The following CYP19A1 variants were observed in gnomAD, a reference collection of about 807,000 sequenced individuals.
The protein encoded by CYP19A1 is cytochrome P450 family 19 subfamily A member 1.
A neutral mutation model predicts 44.4 loss-of-function variants in CYP19A1; 32 were observed. The observed-to-expected ratio is 0.72, with a 90% CI of 0.54 to 0.97. CYP19A1 has a LOEUF of 0.97. Among genes scored for constraint, CYP19A1 ranks in the 50% least tolerant of loss-of-function variants. CYP19A1 has a pLI of 0.00. For missense variants in CYP19A1, 598 were observed against 637.8 expected (o/e 0.94, Z 0.67); for synonymous variants, 212 against 215.6 (o/e 0.98, Z 0.14).
chr15:51,242,938 G>A lies in CYP19A1; in HGVS notation c.-26C>T, dbSNP rs2033864381. 2 of 1,557,578 alleles carry A rather than the reference G, an allele frequency of 1.3e-6. No homozygotes were observed. The highest frequency in any genetic ancestry group is 1.8e-6 in the Non-Finnish European group (2 of 1,128,430). ...CTTGTGTTCCTTGACCTCAGAGGGG[G>A]CAATTTAGAGTCCTGTGGAAATCAA... is the stretch of plus-strand genomic sequence containing the variant. On this transcript the variant is annotated 5_prime_UTR_variant, in exon 2 of 10. Transcript: ENST00000396402.
intron 9 of CYP19A1, 98 bp downstream of exon 9, chr15:51,212,222 A>T: frequency 1.1e-6 from 1 of 904,674 alleles, no homozygotes; most frequent in Non-Finnish European, 1.9e-6. Flanking sequence ...TGAGTAAGAA[A>T]AATGAAGTAT....
At position 51,236,850 on chromosome 15, in the gene CYP19A1, C is replaced by G. The variant is rs767924652; in HGVS notation, c.296+9G>C. 8 of 1,613,798 alleles carry G rather than the reference C, an allele frequency of 5.0e-6. No homozygotes were observed. The highest frequency in any genetic ancestry group is 1.6e-4 in the Middle Eastern group (1 of 6,084). ...TAAAAAGTATGTCTTCGATTATGAACAGACTCACTTGCTGATAATGAGTGT... is the reference window on the plus strand; with the variant it reads ...TAAAAAGTATGTCTTCGATTATGAAGAGACTCACTTGCTGATAATGAGTGT... On this transcript the variant is annotated intron_variant, in intron 3 of 9. Coordinates refer to ENST00000396402, the MANE Select transcript of CYP19A1 (RefSeq NM_000103.4).
chr15:51,210,806 C>A lies in CYP19A1; in HGVS notation c.*2G>T. 6.4e-7 allele frequency: 1 copy of A among 1,573,548 alleles called. No homozygotes were observed. Among genetic ancestry groups the A allele is most frequent in the Middle Eastern group, 1.7e-4 (1 of 5,994 alleles). ...TCCAGAGTGGGTACTGACCAGCCTT[C>A]TCTAGTGTTCCAGACACCTGTCTGA... is the stretch of plus-strand genomic sequence containing the variant. On this transcript the variant is annotated 3_prime_UTR_variant, in exon 10 of 10. Transcript: ENST00000396402.
intron 1 of CYP19A1, among the ~76,000 whole-genome samples, chr15:51,271,802 C>G (rs1437165551): frequency 6.6e-6 from 1 of 152,184 alleles, no homozygotes; most frequent in African/African-American, 2.4e-5. Flanking sequence ...TCATATTATC[C>G]CCCCATCAGG....
At chr15:51,228,267 G>A (rs1471747572) in intron 3 of CYP19A1, among the ~76,000 whole-genome samples, 2 of 152,160 alleles carry the variant, frequency 1.3e-5, no homozygotes, top group African/African-American at 4.8e-5. Flanking sequence ...CTGCTAAGAA[G>A]CTGAACCCTC....
chr15:51,222,427 A>G lies in CYP19A1; in HGVS notation c.550T>C (p.Tyr184His), dbSNP rs1306086089. Residue 184 changes from tyrosine to histidine, a missense_variant, in exon 5 of 10, where the codon TAT becomes CAT. Tyr to His is a moderately conservative substitution (Grantham distance 83, BLOSUM62 2). Coordinates refer to ENST00000396402, the MANE Select transcript of CYP19A1 (RefSeq NM_000103.4). ...RLEEVTNESG[Y>H]VDVLTLLRRV... Reference sequence around the variant, plus strand: ...CGCAGAAGGGTCAACACGTCCACATAGCCCGATTCATTGGTCACCTCCTCC... The same window carrying G: ...CGCAGAAGGGTCAACACGTCCACATGGCCCGATTCATTGGTCACCTCCTCC... 3.1e-6 allele frequency: 5 copies of G among 1,614,156 alleles called. No homozygotes were observed. Among genetic ancestry groups the G allele is most frequent in the South Asian group, 1.1e-5 (1 of 91,082 alleles).
At chr15:51,239,404 A>G (rs550928628) in intron 2 of CYP19A1, among the ~76,000 whole-genome samples, 1 of 152,256 alleles carries the variant, frequency 6.6e-6, no homozygotes, top group African/African-American at 2.4e-5. Context: ...GTGTCCCTCA[A>G]CAGTGGAACT....
chr15:51,290,204 T>C (rs1391364337), intron 1 of CYP19A1, among the ~76,000 whole-genome samples: 3 of 152,164 alleles, frequency 2.0e-5, no homozygotes, highest in African/African-American at 7.2e-5. Flanking sequence ...ACTCAGTAAA[T>C]GTTAGCTATT....
chr15:51,316,201 A>T (rs964983265), intron 1 of CYP19A1: 4 of 152,216 alleles, frequency 2.6e-5, no homozygotes, highest in African/African-American at 9.6e-5. Flanking sequence ...TATGAAAAAA[A>T]TATGTTGGCT....
chr15:51,302,159 A>ATAC (rs558790401), intron 1 of CYP19A1, among the ~76,000 whole-genome samples: 7 of 152,156 alleles, frequency 4.6e-5, no homozygotes, highest in Admixed American at 1.3e-4. Flanking sequence ...ACCTGCCATC[A>ATAC]TACTCTTCAA....
In CYP19A1 at chr15:51,227,825, G is replaced by T; in HGVS notation, c.405C>A (p.Asn135Lys). The change falls in exon 4 of 10, where the codon AAC becomes AAA. Residue 135 changes from asparagine (N) to lysine (K), a missense_variant. Asn to Lys is a moderately conservative substitution (Grantham distance 94). Transcript: ENST00000396402. ...IGMHEKGIIF[N>K]NNPELWKTTR... is the part of the protein sequence containing the mutation. The stretch of plus-strand genomic sequence containing the variant: ...TTGTTTTCCAGAGCTCTGGATTGTT[G>T]TTAAATATGATGCCTTTCTCATGCA... 6.5e-7 allele frequency: 1 copy of T among 1,546,604 alleles called. No homozygotes were observed. Among genetic ancestry groups the T allele is most frequent in the Non-Finnish European group, 8.9e-7 (1 of 1,118,528 alleles).
At chr15:51,290,140 C>A (rs2140986415) in intron 1 of CYP19A1, among the ~76,000 whole-genome samples, 1 of 152,258 alleles carries the variant, frequency 6.6e-6, no homozygotes, top group East Asian at 1.9e-4. Context: ...CCAGGAACTA[C>A]CTGGGACTGA....
At chr15:51,336,443 T>C (rs2036776274) in intron 1 of CYP19A1, among the ~76,000 whole-genome samples, 2 of 152,166 alleles carry the variant, frequency 1.3e-5, no homozygotes, top group South Asian at 4.1e-4. Context: ...GTTAAAACCA[T>C]AAGAGGCTGA....
chr15:51,319,167 T>C (rs1447211211), intron 1 of CYP19A1, among the ~76,000 whole-genome samples: 1 of 152,186 alleles, frequency 6.6e-6, no homozygotes, highest in African/African-American at 2.4e-5. Flanking sequence ...CCTAAGTGTC[T>C]CACCCCTACA....
At chr15:51,332,924 A>G (rs1303851184) in intron 1 of CYP19A1, among the ~76,000 whole-genome samples, 4 of 152,080 alleles carry the variant, frequency 2.6e-5, no homozygotes, top group Non-Finnish European at 2.9e-5. Context: ...GAATTTCTCA[A>G]CCTATGAATC....
In CYP19A1 at chr15:51,279,305, C is replaced by T. The variant is rs1412721405; in HGVS notation, c.-38-36355G>A. The stretch of plus-strand genomic sequence containing the variant: ...ATTGGGAGGGCATCCTGGAATGAAC[C>T]CCACTGCGCAGGAGAGGCAAGGTGA... On this transcript the variant is annotated intron_variant, in intron 1 of 9. Transcript: ENST00000396402. Among the ~76,000 whole-genome samples, 3 of 152,156 alleles carry T rather than the reference C, an allele frequency of 2.0e-5. No homozygotes were observed. In the East Asian group the frequency reaches 5.8e-4, roughly 29 times the overall value.
rs74805282 is a variant in CYP19A1 at position 51,275,527 on chromosome 15, G to A, written c.-38-32577C>T. ...TGAAATCCCAACTTTGCCATTTACTGTTTAGGTAACATCTGGCAAACTGCT... is the reference window on the plus strand; with the variant it reads ...TGAAATCCCAACTTTGCCATTTACTATTTAGGTAACATCTGGCAAACTGCT... On this transcript the variant is annotated intron_variant, in intron 1 of 9. Coordinates refer to ENST00000396402, the MANE Select transcript of CYP19A1 (RefSeq NM_000103.4). 4.2e-3 allele frequency among the ~76,000 whole-genome samples: 636 copies of A among 152,330 alleles called. 2 individuals are homozygous for A. Among genetic ancestry groups the A allele is most frequent in the African/African-American group, 0.015 (612 of 41,578 alleles).
chr15:51,259,657 C>T (rs535949664), intron 1 of CYP19A1, among the ~76,000 whole-genome samples: 1 of 152,190 alleles, frequency 6.6e-6, no homozygotes, highest in Admixed American at 6.5e-5. Context: ...TTGGAGCTAG[C>T]CTTCCTCAAC....
Position 51,209,605 on chromosome 15 carries a change from C to T in CYP19A1, c.*1203G>A, listed in dbSNP as rs772138757. The T allele has an allele frequency of 3.9e-5, 6 of 152,610 alleles. No homozygotes were observed. The highest frequency in any genetic ancestry group is 6.5e-5 in the Admixed American group (1 of 15,282). The allele number at this position is 152,610 out of a possible 1,614,324, so 9.5% of individuals were successfully genotyped here. A position where few individuals can be genotyped will look rare whatever the true frequency, so the allele number is the denominator to read the frequency against. The stretch of plus-strand genomic sequence containing the variant: ...CATTCATTTGATTTCCTTTAGAAAG[C>T]GAATTCCAAGGTGTGCAATTTATCC... On this transcript the variant is annotated 3_prime_UTR_variant, in exon 10 of 10. Coordinates refer to ENST00000396402, the MANE Select transcript of CYP19A1 (RefSeq NM_000103.4).
Sources: gnomAD v4.1 joint callset for allele counts (sites outside exome capture counted in the v4.1 genomes callset) on GRCh38, gnomAD v4.1.1 for gene constraint, MANE v1.5 for transcripts, NCBI Gene and HGNC (gene_info 2026-07-23, HGNC 2026-07-21) for gene names.